IBTK: variants seen among roughly 807,000 people sequenced by gnomAD.
IBTK encodes the protein inhibitor of Bruton tyrosine kinase, also known as BTK-binding protein.
IBTK carries 83 observed loss-of-function variants against 154.9 expected under a neutral mutation model. The observed-to-expected ratio is 0.54, with a 90% CI of 0.45 to 0.64. The LOEUF is 0.64. Among genes scored for constraint, IBTK ranks in the 30% least tolerant of loss-of-function variants. The pLI is 0.00. For synonymous variants in IBTK, 515 were observed against 536.1 expected (o/e 0.96, Z 0.54); for missense variants, 1,332 against 1,584.6 (o/e 0.84, Z 2.71).
At chr6:82,236,848 T>C (rs905077615) in intron 2 of IBTK, among the ~76,000 whole-genome samples, 1 of 152,094 alleles carries the variant, frequency 6.6e-6, no homozygotes, top group Non-Finnish European at 1.5e-5. Context: ...TAAAAAAATA[T>C]GCTGAACAAA....
intron 5 of IBTK, among the ~76,000 whole-genome samples, chr6:82,226,537 G>A (rs1341634219): frequency 1.3e-5 from 2 of 150,630 alleles, no homozygotes; most frequent in African/African-American, 4.9e-5. Context: ...ATCTTAATGA[G>A]AAGTTAAAAA....
intron 23 of IBTK, among the ~76,000 whole-genome samples, chr6:82,194,078 A>G (rs1004776005): frequency 6.6e-6 from 1 of 152,184 alleles, no homozygotes; most frequent in African/African-American, 2.4e-5. Flanking sequence ...CTGAAAATTA[A>G]CTGAATAGTT....
intron 12 of IBTK, among the ~76,000 whole-genome samples, chr6:82,213,139 T>C (rs997475926): frequency 1.3e-5 from 2 of 152,120 alleles, no homozygotes; most frequent in Non-Finnish European, 2.9e-5. Context: ...ATGAATCTCC[T>C]GCCTCAGCCA....
At chr6:82,242,864 G>C (rs1771005092) in intron 1 of IBTK, among the ~76,000 whole-genome samples, 1 of 151,858 alleles carries the variant, frequency 6.6e-6, no homozygotes, top group Admixed American at 6.6e-5. Context: ...TTGAACCCAG[G>C]AGGTGGAGGC....
At chr6:82,182,850 A>G (rs1340768974) in intron 25 of IBTK, among the ~76,000 whole-genome samples, 2 of 152,208 alleles carry the variant, frequency 1.3e-5, no homozygotes, top group Non-Finnish European at 2.9e-5. Flanking sequence ...TGAAAGAGGT[A>G]GAGAATGTCA....
chr6:82,204,227 T>C (rs906569297), intron 17 of IBTK, among the ~76,000 whole-genome samples: 4 of 152,176 alleles, frequency 2.6e-5, no homozygotes, highest in Non-Finnish European at 2.9e-5. Context: ...CTCAACTGCA[T>C]AGTAACAGTG....
chr6:82,243,183 G>A lies in IBTK; in HGVS notation c.-357-2340C>T, dbSNP rs543627011. On this transcript the variant is annotated intron_variant, in intron 1 of 28. Transcript: ENST00000306270. Reference sequence around the variant, plus strand: ...GTGAACCTGGGAGGCGGAGCTTGCAGTGAGCCGAGATCGTGCCACTGCACT... The same window carrying A: ...GTGAACCTGGGAGGCGGAGCTTGCAATGAGCCGAGATCGTGCCACTGCACT... Among the ~76,000 whole-genome samples the A allele has an allele frequency of 1.2e-3, 174 of 151,210 alleles. 2 individuals carry two copies. Among genetic ancestry groups the A allele is most frequent in the African/African-American group, 4.1e-3 (169 of 41,142 alleles).
chr6:82,231,610 G>A lies in IBTK; in HGVS notation c.543+108C>T, dbSNP rs1344982158. On this transcript the variant is annotated intron_variant, in intron 4 of 28. Coordinates refer to ENST00000306270, the MANE Select transcript of IBTK (RefSeq NM_015525.4). ...TATTGATTGATTTCCTCATTAAAAT[G>A]TTACTGTACCTGAAACAAAGTTATG... The A allele has an allele frequency of 8.4e-6, 6 of 718,342 alleles. No homozygotes were observed. In the East Asian group the frequency reaches 1.1e-4, roughly 13 times the overall value. 44.5% of individuals were successfully genotyped at this position (718,342 alleles called of 1,614,324 possible).
At position 82,214,502 on chromosome 6, in the gene IBTK, TAA is replaced by T; in HGVS notation, c.1927_1928del (p.Leu643AsnfsTer27). On this transcript the variant is annotated frameshift_variant, in exon 12 of 29. Coordinates refer to ENST00000306270, the MANE Select transcript of IBTK (RefSeq NM_015525.4). LOFTEE classifies it high-confidence loss of function. Reference protein sequence around the residue: ...QFIYTDTCDFLTHGFKPRIHL... With the variant: ...QFIYTDTCDFXTHGFKPRIHL... ...GTATTCTTGGTTTGAAGCCATGAGT[TAA>T]AAAGTCACAAGTATCTGTGTATATA... 1.2e-6 allele frequency: 2 copies of T among 1,614,088 alleles called. No homozygotes were observed. The highest frequency in any genetic ancestry group is 1.7e-6 in the Non-Finnish European group (2 of 1,179,982).
intron 10 of IBTK, 101 bp from the exon 11 acceptor site, chr6:82,216,351 A>C: frequency 5.4e-6 from 4 of 740,840 alleles, no homozygotes; most frequent in Non-Finnish European, 8.6e-6. Context: ...AAAATATGGA[A>C]ATCTTTTTCA....
At chr6:82,200,274 T>C (rs748662925) in intron 20 of IBTK, 21 bp from the exon 21 acceptor site, 9 of 1,546,142 alleles carry the variant, frequency 5.8e-6, no homozygotes, top group Middle Eastern at 3.4e-4. Flanking sequence ...GCAAACATAA[T>C]TTCAGCAGTG....
chr6:82,217,310 T>C (rs539650453), intron 10 of IBTK, among the ~76,000 whole-genome samples: 34 of 152,262 alleles, frequency 2.2e-4, no homozygotes, highest in Non-Finnish European at 4.4e-4. Flanking sequence ...TTTAGTCTTA[T>C]GAGGCTTTAC....
rs773868278 is a variant in IBTK at position 82,214,794 on chromosome 6, A to T, written c.1637T>A (p.Phe546Tyr). The T allele has an allele frequency of 1.2e-6, 2 of 1,608,534 alleles. No individual in the cohort carries two copies. Among genetic ancestry groups the T allele is most frequent in the Non-Finnish European group, 1.7e-6 (2 of 1,177,344 alleles). The change falls in exon 12 of 29, where the codon TTT becomes TAT. Residue 546 changes from phenylalanine (F) to tyrosine (Y), a missense_variant. Around this residue, in one of 3 missense-constraint regions of IBTK, gnomAD observed 1,134 missense variants for 1,274.7 expected, o/e 0.89. Transcript: ENST00000306270. ...YEIPAVSSSS[F>Y]FEEFGKLLRE... ...CAACAGTTTGCCAAACTCTTCAAAA[A>T]AGGATGATGAGGACACAGCTGGAAT...
chr6:82,171,363 C>T lies in IBTK; in HGVS notation c.*62G>A. The T allele has an allele frequency of 7.0e-7, 1 of 1,428,964 alleles. No homozygotes were observed. The highest frequency in any genetic ancestry group is 2.1e-5 in the Admixed American group (1 of 47,034). The allele number at this position is 1,428,964 out of a possible 1,614,324, so 88.5% of individuals were successfully genotyped here. A position where few individuals can be genotyped will look rare whatever the true frequency, so the allele number is the denominator to read the frequency against. On this transcript the variant is annotated 3_prime_UTR_variant, in exon 29 of 29. Transcript: ENST00000306270. ...ACAAAATCTCTAAGACTCTTTTCCA[C>T]AGCTTTTCTTTATATGAACAAACTC...
rs1438464160 is a variant in IBTK, at chr6:82,191,835, A to T, written c.3383T>A (p.Ile1128Lys). ...TCCACATTTTTGTCTACTTTCTTCT[A>T]TTTCCATGATAGTTCTGAGATCCAC... is the stretch of plus-strand genomic sequence containing the variant. ...PVVDLRTIME[I>K]EESRQKCGAT... Residue 1128 changes from isoleucine (I) to lysine (K), a missense_variant, in exon 24 of 29, where the codon ATA (isoleucine) becomes AAA (lysine). Ile to Lys is a moderately radical substitution (Grantham distance 102). Transcript: ENST00000306270. 6.2e-7 allele frequency: 1 copy of T among 1,612,244 alleles called. No homozygotes were observed. The highest frequency in any genetic ancestry group is 2.2e-5 in the East Asian group (1 of 44,780).
intron 1 of IBTK, among the ~76,000 whole-genome samples, chr6:82,243,000 G>C (rs1771010375): frequency 6.6e-6 from 1 of 152,076 alleles, no homozygotes; most frequent in South Asian, 2.1e-4. Context: ...CCAGCACTTT[G>C]GGAGGCCAAG....
rs546105234 is a variant in IBTK, at chr6:82,200,768, T to G, written c.2791-60A>C. ...AATCTGTGAAGTTTTTTTTTTTTTT[T>G]TTTTTTTTTTTTTGTGCACACGTGG... On this transcript the variant is annotated intron_variant, in intron 19 of 28. Coordinates refer to ENST00000306270, the MANE Select transcript of IBTK (RefSeq NM_015525.4). The G allele has an allele frequency of 9.8e-5, 144 of 1,468,320 alleles. 1 individual carries two copies. The African/African-American group carries it at 1.5e-3, about 15-fold the overall frequency. The allele number at this position is 1,468,320 out of a possible 1,614,324, so 91.0% of individuals were successfully genotyped here. A position where few individuals can be genotyped will look rare whatever the true frequency, so the allele number is the denominator to read the frequency against.
At position 82,207,069 on chromosome 6, in the gene IBTK, A is replaced by G. The variant is rs538013291; in HGVS notation, c.2510-2111T>C. Among the ~76,000 whole-genome samples, 28 of 152,274 alleles carry G rather than the reference A, an allele frequency of 1.8e-4. No individual in the cohort carries two copies. The East Asian group carries it at 5.4e-3, about 29-fold the overall frequency. On this transcript the variant is annotated intron_variant, in intron 16 of 28. Coordinates refer to ENST00000306270, the MANE Select transcript of IBTK (RefSeq NM_015525.4). ...TGCCACTTCTATTCAACAGAGTACT[A>G]GAGATTCATCTAATCAGGGCAATTA...
intron 25 of IBTK, among the ~76,000 whole-genome samples, chr6:82,190,611 C>A (rs1203123371): frequency 6.6e-6 from 1 of 151,964 alleles, no homozygotes; most frequent in African/African-American, 2.4e-5. Flanking sequence ...TGAAAAATAA[C>A]AAGCTATGAT....
Sources: allele counts gnomAD v4.1 joint callset (sites outside exome capture counted in the v4.1 genomes callset), GRCh38; gene constraint gnomAD v4.1.1; regional missense constraint gnomAD v4.1.1; transcripts MANE v1.5; gene names NCBI Gene and HGNC (gene_info 2026-07-23, HGNC 2026-07-21).